The following MSI2 variants were observed in gnomAD, a reference collection of about 807,000 sequenced individuals.
MSI2 encodes musashi RNA binding protein 2, also known as RNA-binding protein Musashi homolog 2.
Under a neutral mutation model 45.6 loss-of-function variants are expected in MSI2, and 17 were observed. The ratio of observed to expected loss-of-function variants is 0.37; its 90% CI spans 0.26 to 0.56. MSI2 has a LOEUF of 0.56. Among genes scored for constraint, MSI2 ranks in the 20% least tolerant of loss-of-function variants. The pLI, the probability that MSI2 is intolerant of heterozygous loss-of-function variation, is 0.77. For synonymous variants in MSI2, 156 were observed against 158.2 expected (o/e 0.99, Z 0.11); for missense variants, 293 against 444.2 (o/e 0.66, Z 3.06).
chr17:57,630,719 G>C lies in MSI2; in HGVS notation c.727+3416G>C, dbSNP rs192599410. On this transcript the variant is annotated intron_variant, in intron 10 of 13. Coordinates refer to ENST00000284073, the MANE Select transcript of MSI2 (RefSeq NM_138962.4). Reference sequence around the variant, plus strand: ...GTTTCCAGACACAAAGCCTAGGTAGGTCCATGTGTCATTCCAGTCAAGAGC... The same window carrying C: ...GTTTCCAGACACAAAGCCTAGGTAGCTCCATGTGTCATTCCAGTCAAGAGC... 2.7e-3 allele frequency: 414 copies of C among 152,472 alleles called. 2 individuals are homozygous for C. Among genetic ancestry groups the C allele is most frequent in the Middle Eastern group, 0.017 (5 of 296 alleles). The allele number at this position is 152,472 out of a possible 1,614,324, so 9.4% of individuals were successfully genotyped here. A position where few individuals can be genotyped will look rare whatever the true frequency, so the allele number is the denominator to read the frequency against.
At chr17:57,673,263 C>T (rs1912954124) in intron 11 of MSI2, among the ~76,000 whole-genome samples, 1 of 152,242 alleles carries the variant, frequency 6.6e-6, no homozygotes, top group African/African-American at 2.4e-5. Flanking sequence ...CTGGCTCTTC[C>T]AGGCCCACCA....
intron 5 of MSI2, among the ~76,000 whole-genome samples, chr17:57,344,471 G>A (rs1034173953): frequency 6.6e-6 from 1 of 152,154 alleles, no homozygotes. Flanking sequence ...CTCATCTTGT[G>A]TCTCCCCTGC....
chr17:57,698,596 C>T, the MSI2 span, among the ~76,000 whole-genome samples: 2 of 152,164 alleles, frequency 1.3e-5, no homozygotes, highest in African/African-American at 2.4e-5. Flanking sequence ...GTGCGCCTTC[C>T]GTGGCTGCTT....
At chr17:57,388,624 AG>A (rs1334736643) in intron 5 of MSI2, among the ~76,000 whole-genome samples, 1 of 152,060 alleles carries the variant, frequency 6.6e-6, no homozygotes, top group Non-Finnish European at 1.5e-5. Flanking sequence ...AAGATCACCC[AG>A]CCTCCCCACC....
chr17:57,525,039 A>G (rs2086668290), intron 6 of MSI2, among the ~76,000 whole-genome samples: 1 of 152,158 alleles, frequency 6.6e-6, no homozygotes. Flanking sequence ...AGTCCCTCTG[A>G]TGATGATTCT....
At chr17:57,278,308 C>T (rs1256002872) in intron 5 of MSI2, 1 of 152,344 alleles carries the variant, frequency 6.6e-6, no homozygotes, top group Non-Finnish European at 1.5e-5. Context: ...GGCCTGCCCA[C>T]AATGCATGGT....
rs187524581 is a variant in MSI2, at chr17:57,585,236, A to G, written c.455-11632A>G. Among the ~76,000 whole-genome samples the G allele has an allele frequency of 9.5e-4, 145 of 152,368 alleles. 1 individual carries two copies. The highest frequency in any genetic ancestry group is 3.1e-3 in the African/African-American group (129 of 41,586). On this transcript the variant is annotated intron_variant, in intron 7 of 13. Coordinates refer to ENST00000284073, the MANE Select transcript of MSI2 (RefSeq NM_138962.4). ...TGATAGTTGGTAAAGCACCATGAACATCTGCCTTACAGACATGTCAAGTGG... is the reference window on the plus strand; with the variant it reads ...TGATAGTTGGTAAAGCACCATGAACGTCTGCCTTACAGACATGTCAAGTGG...
chr17:57,564,118 C>T (rs2087667965), intron 7 of MSI2, among the ~76,000 whole-genome samples: 1 of 152,212 alleles, frequency 6.6e-6, no homozygotes, highest in Non-Finnish European at 1.5e-5. Context: ...CCCTGGCTGC[C>T]CATCCTCTCT....
intron 5 of MSI2, among the ~76,000 whole-genome samples, chr17:57,291,791 A>G (rs558635190): frequency 1.4e-4 from 22 of 151,998 alleles, no homozygotes; most frequent in Non-Finnish European, 2.8e-4. Context: ...TGCCTATTGA[A>G]TAGGTTTTTT....
At chr17:57,677,784 G>A (rs1329743288) in intron 13 of MSI2, among the ~76,000 whole-genome samples, 1 of 152,198 alleles carries the variant, frequency 6.6e-6, no homozygotes, top group African/African-American at 2.4e-5. Context: ...GGGATATGGG[G>A]GAGGACGGAA....
At chr17:57,459,812 A>G (rs2085188483) in intron 6 of MSI2, among the ~76,000 whole-genome samples, 2 of 151,880 alleles carry the variant, frequency 1.3e-5, no homozygotes, top group Non-Finnish European at 2.9e-5. Context: ...TGGGCAACAT[A>G]GCAAGACTTC....
intron 5 of MSI2, among the ~76,000 whole-genome samples, chr17:57,350,251 T>TGTG: frequency 6.6e-6 from 1 of 152,102 alleles, no homozygotes; most frequent in East Asian, 1.9e-4. Flanking sequence ...TGTGTGTGTG[T>TGTG]GTGTTCATAG....
At position 57,552,974 on chromosome 17, in the gene MSI2, T is replaced by C. The variant is rs2087341055; in HGVS notation, c.454+23250T>C. Among the ~76,000 whole-genome samples the C allele has an allele frequency of 6.6e-6, 1 of 152,216 alleles. No individual in the cohort carries two copies. Among genetic ancestry groups the C allele is most frequent in the Non-Finnish European group, 1.5e-5 (1 of 68,028 alleles). ...CTGATACTGGTCTTTGAATGAACTC[T>C]TTACCCCACCAAAAGTAGAAAAAGG... On this transcript the variant is annotated intron_variant, in intron 7 of 13. Transcript: ENST00000284073. This position sits in a 1 kb window ranked among gnomAD's most constrained non-coding sequence, Gnocchi z 4.3.
At chr17:57,699,182 A>AGTGTGTGTGT in the MSI2 span, among the ~76,000 whole-genome samples, 1 of 25,086 alleles carries the variant, frequency 4.0e-5, no homozygotes, top group Non-Finnish European at 6.2e-5. Flanking sequence ...AGAGAGAGAG[A>AGTGTGTGTGT]GTGTGTGTGT....
intron 5 of MSI2, among the ~76,000 whole-genome samples, chr17:57,328,325 C>CCATCCACT (rs1913986900): frequency 1.3e-5 from 1 of 79,416 alleles, no homozygotes; most frequent in Admixed American, 1.2e-4. Context: ...ATCCATCCAT[C>CCATCCACT]CATCCATGCA....
chr17:57,367,539 G>A (rs746532593), intron 5 of MSI2, among the ~76,000 whole-genome samples: 2 of 152,164 alleles, frequency 1.3e-5, no homozygotes, highest in African/African-American at 4.8e-5. Flanking sequence ...CCATTGGGCC[G>A]GAACAGCCCC....
At chr17:57,362,903 G>C (rs1318890075) in intron 5 of MSI2, among the ~76,000 whole-genome samples, 1 of 152,184 alleles carries the variant, frequency 6.6e-6, no homozygotes, top group Non-Finnish European at 1.5e-5. Context: ...ACCCTTACGT[G>C]TTGCTGATGG....
At chr17:57,660,731 G>A (rs151169432) in intron 11 of MSI2, among the ~76,000 whole-genome samples, 5 of 152,314 alleles carry the variant, frequency 3.3e-5, no homozygotes, top group African/African-American at 1.2e-4. Flanking sequence ...CCAGGGGGCC[G>A]GGGAACATCA....
At chr17:57,412,636 C>T (rs1225145993) in intron 6 of MSI2, among the ~76,000 whole-genome samples, 1 of 152,152 alleles carries the variant, frequency 6.6e-6, no homozygotes, top group African/African-American at 2.4e-5. Context: ...CTCCTAGAAC[C>T]ATTCAGTTCT....
Sources: allele counts gnomAD v4.1 joint callset (sites outside exome capture counted in the v4.1 genomes callset), GRCh38; gene constraint gnomAD v4.1.1; non-coding constraint Gnocchi (gnomAD v3.1); transcripts MANE v1.5; gene names NCBI Gene and HGNC (gene_info 2026-07-23, HGNC 2026-07-21).